The following CEP63 variants were observed in gnomAD, a reference collection of about 807,000 sequenced individuals.
CEP63 encodes centrosomal protein of 63 kDa.
CEP63 carries 84 observed loss-of-function variants against 89.1 expected under a neutral mutation model. The observed-to-expected ratio is 0.94, with a 90% CI of 0.79 to 1.13. CEP63 has a LOEUF of 1.13. CEP63 is among the 50% of genes most tolerant of loss of function. The pLI, the probability that CEP63 is intolerant of heterozygous loss-of-function variation, is 0.00. For missense variants in CEP63, 838 were observed against 813.3 expected (o/e 1.03, Z -0.37); for synonymous variants, 267 against 272.5 (o/e 0.98, Z 0.20).
rs367596324 is a variant in CEP63 at position 134,501,444 on chromosome 3, A to C, written c.45-5665A>C. 5.3e-5 allele frequency among the ~76,000 whole-genome samples: 8 copies of C among 152,202 alleles called. 1 individual carries two copies. The highest frequency in any genetic ancestry group is 1.9e-4 in the African/African-American group (8 of 41,536). ...GCAGGACGGCCGTTTTAACTGTATA[A>C]ATTCTTCTAATCCATGAGCATGGAA... On this transcript the variant is annotated intron_variant, in intron 2 of 14. Coordinates refer to ENST00000675561, the MANE Select transcript of CEP63 (RefSeq NM_001353108.3).
chr3:134,501,862 T>C (rs1443828971), intron 2 of CEP63, among the ~76,000 whole-genome samples: 1 of 152,202 alleles, frequency 6.6e-6, no homozygotes, highest in East Asian at 1.9e-4. Context: ...CATCAAGTAC[T>C]AGGTTGAGTA....
the CEP63 span, among the ~76,000 whole-genome samples, chr3:134,620,583 A>G: frequency 6.6e-6 from 1 of 152,138 alleles, no homozygotes; most frequent in Admixed American, 6.5e-5. Flanking sequence ...CACATGGTGA[A>G]TTTTATCCTC....
At chr3:134,701,882 G>A in the CEP63 span, among the ~76,000 whole-genome samples, 1 of 152,124 alleles carries the variant, frequency 6.6e-6, no homozygotes, top group African/African-American at 2.4e-5. Context: ...ATTCAGCAAA[G>A]TTTCAGGATA....
At chr3:134,690,641 A>G in the CEP63 span, among the ~76,000 whole-genome samples, 1 of 152,282 alleles carries the variant, frequency 6.6e-6, no homozygotes, top group African/African-American at 2.4e-5. Flanking sequence ...CTTTGGTCTC[A>G]GCATCCCTTT....
rs914151685 is a variant in CEP63 at position 134,580,488 on chromosome 3, A to G, written c.1207-6970A>G. Among the ~76,000 whole-genome samples the G allele has an allele frequency of 1.7e-4, 24 of 145,394 alleles. 1 individual carries two copies. Among genetic ancestry groups the G allele is most frequent in the Admixed American group, 1.6e-3 (23 of 14,036 alleles). ...TTTAAAAACAAACACACAGACAAAC[A>G]GAAATAATACCAACCATAACTAAAT... On this transcript the variant is annotated intron_variant, in intron 10 of 10. Coordinates refer to the CEP63 transcript ENST00000683931.
chr3:134,496,967 T>C (rs1395564290), intron 2 of CEP63, among the ~76,000 whole-genome samples: 1 of 152,232 alleles, frequency 6.6e-6, no homozygotes, highest in Admixed American at 6.5e-5. Context: ...ATAATCATTC[T>C]AACTGGGGTG....
At chr3:134,602,234 G>C in the CEP63 span, among the ~76,000 whole-genome samples, 1 of 152,124 alleles carries the variant, frequency 6.6e-6, no homozygotes, top group South Asian at 2.1e-4. Flanking sequence ...GGCCATGTGG[G>C]GCCTCTCTCG....
the CEP63 span, among the ~76,000 whole-genome samples, chr3:134,708,373 T>C: frequency 8.5e-5 from 13 of 152,348 alleles, no homozygotes; most frequent in Admixed American, 5.2e-4. Flanking sequence ...AATTTTTCAT[T>C]ATCTTGATGT....
chr3:134,649,360 C>T, the CEP63 span, among the ~76,000 whole-genome samples: 1 of 152,148 alleles, frequency 6.6e-6, no homozygotes, highest in African/African-American at 2.4e-5. Context: ...ATTCTTTGCC[C>T]TTTCTAGTGT....
At chr3:134,623,764 GT>G in the CEP63 span, among the ~76,000 whole-genome samples, 1 of 152,156 alleles carries the variant, frequency 6.6e-6, no homozygotes, top group Non-Finnish European at 1.5e-5. Context: ...CATGGCGTCT[GT>G]CCTGATCTCA....
chr3:134,773,083 G>A, the CEP63 span, among the ~76,000 whole-genome samples: 35 of 152,182 alleles, frequency 2.3e-4, no homozygotes, highest in Non-Finnish European at 4.7e-4. Context: ...GCTAGTCCCA[G>A]CCTCCCATCA....
At chr3:134,700,599 A>G in the CEP63 span, among the ~76,000 whole-genome samples, 36 of 152,248 alleles carry the variant, frequency 2.4e-4, 1 homozygote, top group African/African-American at 8.4e-4. Flanking sequence ...CAACCACGGA[A>G]TAAGAAGATT....
chr3:134,589,825 T>C (rs1388249214), downstream of CEP63, among the ~76,000 whole-genome samples: 2 of 152,120 alleles, frequency 1.3e-5, no homozygotes, highest in Non-Finnish European at 2.9e-5. Context: ...CTATTCACAA[T>C]AGCAAAGGCA....
In CEP63 at chr3:134,558,364, G is replaced by T. The variant is rs199939169; in HGVS notation, c.1673+17G>T. 8.5e-6 allele frequency: 13 copies of T among 1,526,812 alleles called. No individual in the cohort carries two copies. The African/African-American group carries it at 1.8e-4, about 21-fold the overall frequency. 94.6% of individuals were successfully genotyped at this position (1,526,812 alleles called of 1,614,324 possible). On this transcript the variant is annotated intron_variant, in intron 13 of 14. Transcript: ENST00000675561. Reference sequence around the variant, plus strand: ...AGAGTTCAAGTAAAATTTTTTAAAAGTTTATTTAAAATGTGTATTGGTACA... The same window carrying T: ...AGAGTTCAAGTAAAATTTTTTAAAATTTTATTTAAAATGTGTATTGGTACA...
the CEP63 span, among the ~76,000 whole-genome samples, chr3:134,712,029 C>T: frequency 0.88 from 134,152 of 152,194 alleles, 60,523 homozygotes; most frequent in East Asian, 1. Context: ...GCTGGGATTA[C>T]AGGCGTGAGC....
chr3:134,715,708 T>C, the CEP63 span, among the ~76,000 whole-genome samples: 6 of 152,014 alleles, frequency 3.9e-5, no homozygotes, highest in African/African-American at 1.5e-4. Flanking sequence ...TGGTATGTTA[T>C]AGGAGCCTCA....
the CEP63 span, among the ~76,000 whole-genome samples, chr3:134,710,700 C>A: frequency 2.2e-4 from 33 of 150,008 alleles, no homozygotes; most frequent in African/African-American, 7.8e-4. Context: ...TTAGATTTAT[C>A]CATTCCTTTT....
the CEP63 span, chr3:134,603,284 T>A: frequency 3.7e-6 from 1 of 273,598 alleles, no homozygotes; most frequent in East Asian, 6.8e-5. Context: ...GCAGCACTAA[T>A]ACGAGAAGGG....
intron 3 of CEP63, among the ~76,000 whole-genome samples, chr3:134,514,517 GA>G (rs1207572357): frequency 6.6e-6 from 1 of 151,960 alleles, no homozygotes; most frequent in East Asian, 1.9e-4. Context: ...TGCCATGGTT[GA>G]AAACTAAAGA....
Sources: allele counts gnomAD v4.1 joint callset (sites outside exome capture counted in the v4.1 genomes callset), GRCh38; gene constraint gnomAD v4.1.1; transcripts MANE v1.5; gene names NCBI Gene and HGNC (gene_info 2026-07-23, HGNC 2026-07-21).